GPM6A: variants seen among roughly 807,000 people sequenced by gnomAD.
GPM6A encodes the protein glycoprotein M6A, also known as neuronal membrane glycoprotein M6-a.
A neutral mutation model predicts 32.1 loss-of-function variants in GPM6A; 7 were observed. That is an observed-to-expected ratio of 0.22 (90% CI 0.12 to 0.41). GPM6A has a LOEUF of 0.41. Ranked by LOEUF, GPM6A falls within the 10% of genes least tolerant of loss-of-function variation. The pLI, the probability that GPM6A is intolerant of heterozygous loss-of-function variation, is 1.00. For missense variants in GPM6A, 235 were observed against 347.2 expected (o/e 0.68, Z 2.57); for synonymous variants, 130 against 123.4 (o/e 1.05, Z -0.35).
chr4:175,883,385 C>G (rs1737343415), intron 1 of GPM6A, among the ~76,000 whole-genome samples: 1 of 152,052 alleles, frequency 6.6e-6, no homozygotes, highest in East Asian at 1.9e-4. Flanking sequence ...TATTCAAAAC[C>G]AAATATTATC....
intron 1 of GPM6A, among the ~76,000 whole-genome samples, chr4:175,721,652 A>G (rs1263741533): frequency 1.3e-5 from 2 of 152,222 alleles, no homozygotes; most frequent in Non-Finnish European, 2.9e-5. Flanking sequence ...CTACATAAAT[A>G]ACATTATTTG....
chr4:175,643,476 T>A (rs1423278274), intron 4 of GPM6A, among the ~76,000 whole-genome samples: 2 of 152,160 alleles, frequency 1.3e-5, no homozygotes, highest in Admixed American at 1.3e-4. Context: ...GCTTGGTAAC[T>A]TAGCACCGGC....
chr4:175,838,114 C>CACACAG (rs1735829456), intron 1 of GPM6A, among the ~76,000 whole-genome samples: 2 of 11,724 alleles, frequency 1.7e-4, no homozygotes, highest in South Asian at 4.2e-3. Flanking sequence ...CACACACAGA[C>CACACAG]ACACACACAC....
rs148463547 is a variant in GPM6A, at chr4:175,859,339, G to C, written c.-22-47090C>G. 6.5e-3 allele frequency among the ~76,000 whole-genome samples: 984 copies of C among 152,252 alleles called. 8 individuals are homozygous for C. Among genetic ancestry groups the C allele is most frequent in the Non-Finnish European group, 8.8e-3 (599 of 68,008 alleles). ...AGTTAAACCTGCAAAAACTTCAGAG[G>C]CTGGAGCCTTAAAGTCTGGGAATCA... On this transcript the variant is annotated intron_variant, in intron 1 of 7. Coordinates refer to the GPM6A transcript ENST00000280187.
chr4:175,830,652 T>C (rs1735580879), intron 1 of GPM6A, among the ~76,000 whole-genome samples: 1 of 152,226 alleles, frequency 6.6e-6, no homozygotes. Context: ...AGTAGGTTTC[T>C]TCAGCGTCCA....
intron 1 of GPM6A, among the ~76,000 whole-genome samples, chr4:175,900,166 G>T (rs192097695): frequency 3.2e-3 from 488 of 151,774 alleles, no homozygotes; most frequent in Non-Finnish European, 5.1e-3. Context: ...CCAGCTACTT[G>T]GGAAGCTGAG....
chr4:175,776,601 C>T (rs1362007110), intron 1 of GPM6A, among the ~76,000 whole-genome samples: 2 of 152,120 alleles, frequency 1.3e-5, no homozygotes, highest in African/African-American at 2.4e-5. Context: ...GAAGCTGCCC[C>T]GGGAAATCAG....
chr4:175,771,033 T>G (rs970115477), intron 1 of GPM6A, among the ~76,000 whole-genome samples: 1 of 152,220 alleles, frequency 6.6e-6, no homozygotes. Flanking sequence ...CACAAATATG[T>G]AATGCCTCTT....
At chr4:175,823,649 A>G (rs1424731924) in intron 1 of GPM6A, among the ~76,000 whole-genome samples, 1 of 152,230 alleles carries the variant, frequency 6.6e-6, no homozygotes, top group African/African-American at 2.4e-5. Flanking sequence ...TAGAGGACTG[A>G]TGAGGAAAAA....
chr4:175,936,201 G>A (rs986553785), intron 1 of GPM6A, among the ~76,000 whole-genome samples: 2 of 149,222 alleles, frequency 1.3e-5, no homozygotes, highest in Non-Finnish European at 3.0e-5. Context: ...AGCTACTCGG[G>A]AGGCTGAGGC....
chr4:175,664,543 C>T (rs1742625095), intron 3 of GPM6A, among the ~76,000 whole-genome samples: 1 of 152,190 alleles, frequency 6.6e-6, no homozygotes, highest in Admixed American at 6.5e-5. Context: ...GCAATACTTT[C>T]TTCTTTATTA....
At chr4:175,825,675 C>A (rs1735411068) in intron 1 of GPM6A, among the ~76,000 whole-genome samples, 1 of 152,064 alleles carries the variant, frequency 6.6e-6, no homozygotes, top group Non-Finnish European at 1.5e-5. Flanking sequence ...AAAAATATGT[C>A]AAAATCTCTA....
chr4:175,833,008 CT>C (rs1269438562), intron 1 of GPM6A, among the ~76,000 whole-genome samples: 1 of 152,170 alleles, frequency 6.6e-6, no homozygotes, highest in African/African-American at 2.4e-5. Flanking sequence ...CAGCAGCTAG[CT>C]TCGTACCTCA....
chr4:175,947,237 GT>G (rs1040890715), intron 1 of GPM6A, among the ~76,000 whole-genome samples: 3 of 150,092 alleles, frequency 2.0e-5, no homozygotes, highest in African/African-American at 7.3e-5. Context: ...CTGGCTATTC[GT>G]TTTTCAATTC....
chr4:175,916,426 G>A (rs1014296564), intron 1 of GPM6A, among the ~76,000 whole-genome samples: 6 of 152,170 alleles, frequency 3.9e-5, no homozygotes, highest in Non-Finnish European at 5.9e-5. Flanking sequence ...TTAGCAAAAT[G>A]TGAAGTTTTG....
intron 1 of GPM6A, among the ~76,000 whole-genome samples, chr4:175,818,774 G>A (rs917964927): frequency 6.6e-6 from 1 of 152,152 alleles, no homozygotes; most frequent in Non-Finnish European, 1.5e-5. Context: ...TGTAACAAAT[G>A]TCATTCCCCA....
At chr4:175,706,949 G>C (rs1745226584) in intron 1 of GPM6A, among the ~76,000 whole-genome samples, 1 of 152,160 alleles carries the variant, frequency 6.6e-6, no homozygotes, top group African/African-American at 2.4e-5. Flanking sequence ...CATGCTATAA[G>C]GCACTCCCAC....
At chr4:175,785,862 A>G (rs1733777824) in intron 1 of GPM6A, among the ~76,000 whole-genome samples, 1 of 152,176 alleles carries the variant, frequency 6.6e-6, no homozygotes, top group Non-Finnish European at 1.5e-5. Context: ...ATGGCTGGGC[A>G]AGGCGGATTC....
At chr4:175,637,301 A>AT (rs1740746111) in intron 6 of GPM6A, among the ~76,000 whole-genome samples, 1 of 81,298 alleles carries the variant, frequency 1.2e-5, no homozygotes, top group African/African-American at 5.2e-5. Context: ...TATATATTAT[A>AT]TATTATATAT....
Sources: allele counts gnomAD v4.1 joint callset (sites outside exome capture counted in the v4.1 genomes callset), GRCh38; gene constraint gnomAD v4.1.1; transcripts MANE v1.5; gene names NCBI Gene and HGNC (gene_info 2026-07-23, HGNC 2026-07-21).